Variants in CMKLR2 observed in about 807,000 individuals in gnomAD.
The protein encoded by CMKLR2 is chemerin chemokine-like receptor 2, also known as chemerin-like receptor 2.
Under a neutral mutation model 23.0 loss-of-function variants are expected in CMKLR2, and 18 were observed. That is an observed-to-expected ratio of 0.78 (90% confidence interval 0.54 to 1.16). The LOEUF is 1.16. Ranked by LOEUF, CMKLR2 falls within the 50% of genes most tolerant of loss-of-function variation. CMKLR2 has a pLI of 0.00. For synonymous variants in CMKLR2, 158 were observed against 158.9 expected (o/e 0.99, Z 0.05); for missense variants, 401 against 412.7 (o/e 0.97, Z 0.25).
At chr2:206,192,153 A>G (rs1271850866) in intron 1 of CMKLR2, among the ~76,000 whole-genome samples, 1 of 150,666 alleles carries the variant, frequency 6.6e-6, no homozygotes, top group Non-Finnish European at 1.5e-5. Flanking sequence ...TACTTTTTGT[A>G]TTTTTTAGTA....
intron 1 of CMKLR2, among the ~76,000 whole-genome samples, chr2:206,206,773 A>G (rs1241985160): frequency 1.3e-5 from 2 of 152,206 alleles, no homozygotes; most frequent in East Asian, 3.8e-4. Context: ...AAGACTATTC[A>G]GTAGGTTTTG....
At chr2:206,216,334 G>T (rs961640396), upstream of CMKLR2, among the ~76,000 whole-genome samples, 9 of 152,104 alleles carry the variant, frequency 5.9e-5, no homozygotes, top group African/African-American at 2.2e-4. Context: ...TGCACCTGTA[G>T]TCCCCAGCTA....
chr2:206,192,403 T>C (rs1389680065), intron 1 of CMKLR2, among the ~76,000 whole-genome samples: 4 of 151,300 alleles, frequency 2.6e-5, no homozygotes, highest in African/African-American at 9.6e-5. Flanking sequence ...ATTTTTATTT[T>C]TATTTTTCTG....
At chr2:206,184,641 G>A (rs1047949679) in intron 1 of CMKLR2, among the ~76,000 whole-genome samples, 4 of 152,042 alleles carry the variant, frequency 2.6e-5, no homozygotes, top group Non-Finnish European at 4.4e-5. Context: ...ATGGGGGTTA[G>A]GACTTCAACA....
chr2:206,183,729 G>C (rs887692615), intron 1 of CMKLR2, among the ~76,000 whole-genome samples: 1 of 152,204 alleles, frequency 6.6e-6, no homozygotes, highest in African/African-American at 2.4e-5. Flanking sequence ...TAGGGATAGA[G>C]TGGAGAAAAG....
chr2:206,207,322 T>A (rs975854002), intron 1 of CMKLR2, among the ~76,000 whole-genome samples: 6 of 151,968 alleles, frequency 3.9e-5, no homozygotes, highest in Non-Finnish European at 8.8e-5. Context: ...GTATTTTTAG[T>A]AGAGACAGGG....
At position 206,202,280 on chromosome 2, in the gene CMKLR2, G is replaced by A. The variant is rs16838066; in HGVS notation, c.-29+11027C>T. On this transcript the variant is annotated intron_variant, in intron 1 of 1. Coordinates refer to ENST00000621141, the MANE Select transcript of CMKLR2 (RefSeq NM_001389445.1). ...TGTTGATGTCTAAAATTCAGTAAGCGCTGAAACCCTAAGGTTCTGTTAGGT... is the reference window on the plus strand; with the variant it reads ...TGTTGATGTCTAAAATTCAGTAAGCACTGAAACCCTAAGGTTCTGTTAGGT... 9.2e-3 allele frequency among the ~76,000 whole-genome samples: 1,398 copies of A among 152,248 alleles called. 36 individuals are homozygous for A. Among genetic ancestry groups the A allele is most frequent in the African/African-American group, 0.032 (1,323 of 41,550 alleles).
chr2:206,192,279 G>A (rs1366458061), intron 1 of CMKLR2, among the ~76,000 whole-genome samples: 5 of 145,562 alleles, frequency 3.4e-5, no homozygotes, highest in South Asian at 2.2e-4. Flanking sequence ...CGGGACTGGC[G>A]TTCTCTTTAA....
intron 1 of CMKLR2, among the ~76,000 whole-genome samples, chr2:206,178,128 T>G (rs1351497609): frequency 6.6e-6 from 1 of 152,114 alleles, no homozygotes; most frequent in Non-Finnish European, 1.5e-5. Flanking sequence ...TAGCCAGATC[T>G]AGTGGCTCAT....
chr2:206,201,275 T>A (rs1448252198), intron 1 of CMKLR2, among the ~76,000 whole-genome samples: 1 of 152,234 alleles, frequency 6.6e-6, no homozygotes, highest in African/African-American at 2.4e-5. Flanking sequence ...CCCTGAACTT[T>A]ATGCCAGTTG....
At chr2:206,184,338 C>T (rs1688508892) in intron 1 of CMKLR2, among the ~76,000 whole-genome samples, 1 of 149,274 alleles carries the variant, frequency 6.7e-6, no homozygotes, top group Admixed American at 6.9e-5. Flanking sequence ...CTCTTGTTGC[C>T]TAGGCTTGAG....
intron 1 of CMKLR2, among the ~76,000 whole-genome samples, chr2:206,181,745 G>A (rs2105803264): frequency 6.6e-6 from 1 of 152,164 alleles, no homozygotes; most frequent in South Asian, 2.1e-4. Flanking sequence ...CTAAGGTCAG[G>A]AATTCGAGAC....
chr2:206,179,054 CCTTTTTTTTTTT>C lies in CMKLR2; in HGVS notation c.-28-1791_-28-1780del, dbSNP rs1390093802. Among the ~76,000 whole-genome samples, 462 of 123,662 alleles carry C rather than the reference CCTTTTTTTTTTT, an allele frequency of 3.7e-3. 4 individuals are homozygous for C. Among genetic ancestry groups the C allele is most frequent in the African/African-American group, 0.013 (446 of 34,718 alleles). The allele number at this position is 123,662 out of a possible 152,430, so 81.1% of individuals were successfully genotyped here. A position where few individuals can be genotyped will look rare whatever the true frequency, so the allele number is the denominator to read the frequency against. On this transcript the variant is annotated intron_variant, in intron 1 of 1. Transcript: ENST00000621141. ...TTTTATTTTGTGCCCGCTCCCTGTC[CCTTTTTTTTTTT>C]TTTTTTTTTTTTTTTTTTTTTTTTT...
At chr2:206,209,408 A>G (rs961294008) in intron 1 of CMKLR2, among the ~76,000 whole-genome samples, 1 of 152,060 alleles carries the variant, frequency 6.6e-6, no homozygotes, top group Non-Finnish European at 1.5e-5. Context: ...CTGGGATACA[A>G]GTGCAGGATG....
rs114129811 is a variant in CMKLR2, at chr2:206,203,036, G to C, written c.-29+10271C>G. 8.8e-3 allele frequency among the ~76,000 whole-genome samples: 1,332 copies of C among 151,972 alleles called. 32 individuals carry two copies. Among genetic ancestry groups the C allele is most frequent in the African/African-American group, 0.03 (1,262 of 41,450 alleles). On this transcript the variant is annotated intron_variant, in intron 1 of 1. Coordinates refer to ENST00000621141, the MANE Select transcript of CMKLR2 (RefSeq NM_001389445.1). ...CCTTGCTCCGTTTGAAAGAGCCCAG[G>C]CCGGGCACGGTGGCTCACACCTGTA...
chr2:206,177,105 G>T lies in CMKLR2; in HGVS notation c.143C>A (p.Ala48Asp). ...HWVSLVLYCLAFVLGIPGNAI... is the reference protein window; with the variant it reads ...HWVSLVLYCLDFVLGIPGNAI... ...ATTTCCTGGAATTCCCAGAACAAAA[G>T]CCAAACAATATAACACCAGGGAGAC... Residue 48 changes from alanine (A) to aspartate (D), a missense_variant, in exon 2 of 2, where the codon GCT becomes GAT. Coordinates refer to ENST00000621141, the MANE Select transcript of CMKLR2 (RefSeq NM_001389445.1). The T allele has an allele frequency of 6.2e-7, 1 of 1,614,152 alleles. No homozygotes were observed. Among genetic ancestry groups the T allele is most frequent in the Non-Finnish European group, 8.5e-7 (1 of 1,180,026 alleles).
intron 1 of CMKLR2, among the ~76,000 whole-genome samples, chr2:206,203,188 C>T (rs538604566): frequency 2.1e-4 from 30 of 144,962 alleles, no homozygotes; most frequent in African/African-American, 5.5e-4. Flanking sequence ...ATTAGCCGGG[C>T]ATGGTGGCGC....
intron 1 of CMKLR2, among the ~76,000 whole-genome samples, chr2:206,181,449 T>A (rs982489901): frequency 2.6e-5 from 4 of 152,100 alleles, no homozygotes; most frequent in Non-Finnish European, 2.9e-5. Context: ...CAACTCAGCC[T>A]CCTAAGTAGC....
At chr2:206,187,506 A>G (rs185301482) in intron 1 of CMKLR2, among the ~76,000 whole-genome samples, 3 of 152,324 alleles carry the variant, frequency 2.0e-5, no homozygotes, top group Admixed American at 6.5e-5. Context: ...TGTGTTTACA[A>G]AGAAAGCTTA....
Sources: gnomAD v4.1 joint callset for allele counts (sites outside exome capture counted in the v4.1 genomes callset) on GRCh38, gnomAD v4.1.1 for gene constraint, MANE v1.5 for transcripts, NCBI Gene and HGNC (gene_info 2026-07-23, HGNC 2026-07-21) for gene names.